Variants in CPEB4 observed in about 807,000 individuals in gnomAD.
CPEB4 encodes the protein cytoplasmic polyadenylation element binding protein 4.
CPEB4 carries 12 observed loss-of-function variants against 72.5 expected under a neutral mutation model. That is an observed-to-expected ratio of 0.17 (90% CI 0.11 to 0.27). The LOEUF is 0.27. Among genes scored for constraint, CPEB4 ranks in the 10% least tolerant of loss-of-function variants. CPEB4 has a pLI of 1.00. For missense variants in CPEB4, 614 were observed against 908.5 expected (o/e 0.68, Z 4.17); for synonymous variants, 302 against 326.3 (o/e 0.93, Z 0.80).
At chr5:173,925,292 C>T (rs1757205630) in intron 2 of CPEB4, among the ~76,000 whole-genome samples, 1 of 152,140 alleles carries the variant, frequency 6.6e-6, no homozygotes, top group Non-Finnish European at 1.5e-5. Context: ...TTTGTTTAGC[C>T]TAAACTCTGT....
At chr5:173,902,582 G>A (rs1756274856) in intron 1 of CPEB4, among the ~76,000 whole-genome samples, 2 of 152,154 alleles carry the variant, frequency 1.3e-5, no homozygotes, top group Admixed American at 6.5e-5. Flanking sequence ...TAACCTAACT[G>A]TGAACACCCC....
At chr5:173,944,263 A>T (rs763290068) in intron 4 of CPEB4, among the ~76,000 whole-genome samples, 47 of 152,156 alleles carry the variant, frequency 3.1e-4, no homozygotes, top group Admixed American at 1.3e-4. Context: ...GTGGGTTTTG[A>T]TTATATCCCA....
At chr5:173,906,282 T>C (rs1007405948) in intron 1 of CPEB4, among the ~76,000 whole-genome samples, 2 of 152,236 alleles carry the variant, frequency 1.3e-5, no homozygotes, top group African/African-American at 4.8e-5. Context: ...CTGTGTCCCC[T>C]TTATCTATTT....
At chr5:173,926,776 T>C (rs1259645518) in intron 2 of CPEB4, among the ~76,000 whole-genome samples, 1 of 152,240 alleles carries the variant, frequency 6.6e-6, no homozygotes, top group Non-Finnish European at 1.5e-5. Context: ...TAGGTTCACA[T>C]GCTGAAATCC....
At chr5:173,914,034 T>C (rs919347623) in intron 2 of CPEB4, among the ~76,000 whole-genome samples, 1 of 152,248 alleles carries the variant, frequency 6.6e-6, no homozygotes, top group African/African-American at 2.4e-5. Context: ...CCAATCTGGC[T>C]TGAGTATATT....
At chr5:173,952,065 G>T in intron 8 of CPEB4, 127 bp downstream of exon 8, 1 of 664,032 alleles carries the variant, frequency 1.5e-6, no homozygotes, top group Non-Finnish European at 2.7e-6. Flanking sequence ...AAAATATCTG[G>T]GTTTGAATTC....
chr5:173,893,036 T>TGTGTGTGTGTGAGAGA (rs55993382), intron 1 of CPEB4: 1 of 100,922 alleles, frequency 9.9e-6, no homozygotes, highest in African/African-American at 3.3e-5. Context: ...TGTGTGTGTG[T>TGTGTGTGTGTGAGAGA]GAGAGAGAGA....
chr5:173,932,757 T>A (rs1417331658), intron 3 of CPEB4, among the ~76,000 whole-genome samples: 1 of 152,230 alleles, frequency 6.6e-6, no homozygotes, highest in Non-Finnish European at 1.5e-5. Flanking sequence ...ACCTAAAGAT[T>A]GGCTTTATCT....
At chr5:173,914,616 C>T (rs144969494) in intron 2 of CPEB4, among the ~76,000 whole-genome samples, 46 of 152,082 alleles carry the variant, frequency 3.0e-4, no homozygotes, top group African/African-American at 5.3e-4. Flanking sequence ...ATTATCCGGG[C>T]GTGGTAGTGT....
chr5:173,888,888 A>T lies in CPEB4; in HGVS notation c.-846A>T. Reference sequence around the variant, plus strand: ...CGTCGAGTCTCGCTAATCCCTCCTGATCGCGACCCCCGCAAGAGGGAGAAA... The same window carrying T: ...CGTCGAGTCTCGCTAATCCCTCCTGTTCGCGACCCCCGCAAGAGGGAGAAA... On this transcript the variant is annotated 5_prime_UTR_variant, in exon 1 of 10. Coordinates refer to ENST00000265085, the MANE Select transcript of CPEB4 (RefSeq NM_030627.4). This position sits in a 1 kb window ranked among gnomAD's most constrained non-coding sequence, Gnocchi z 4.3. 4.5e-6 allele frequency: 1 copy of T among 221,802 alleles called. No homozygotes were observed. The highest frequency in any genetic ancestry group is 8.8e-6 in the Non-Finnish European group (1 of 113,652). 13.7% of individuals were successfully genotyped at this position (221,802 alleles called of 1,614,324 possible). A position where few individuals can be genotyped will look rare whatever the true frequency, so the allele number is the denominator to read the frequency against.
intron 6 of CPEB4, among the ~76,000 whole-genome samples, 180 bp from the exon 7 acceptor site, chr5:173,949,780 G>A (rs1249009535): frequency 1.3e-5 from 2 of 152,102 alleles, no homozygotes; most frequent in Non-Finnish European, 2.9e-5. Flanking sequence ...TCTAAAAGAT[G>A]CTTCAAGATA....
intron 9 of CPEB4, among the ~76,000 whole-genome samples, chr5:173,953,827 G>C (rs1758288937): frequency 6.6e-6 from 1 of 151,936 alleles, no homozygotes; most frequent in South Asian, 2.1e-4. Flanking sequence ...CTTAGGGCAA[G>C]AAGTTCCTGT....
At chr5:173,936,367 C>A (rs779884056) in intron 3 of CPEB4, among the ~76,000 whole-genome samples, 4 of 152,146 alleles carry the variant, frequency 2.6e-5, no homozygotes, top group African/African-American at 4.8e-5. Flanking sequence ...TATAAAGACA[C>A]CAGTCATATT....
intron 9 of CPEB4, among the ~76,000 whole-genome samples, chr5:173,953,714 A>T (rs1182837136): frequency 1.3e-4 from 18 of 143,392 alleles, no homozygotes; most frequent in African/African-American, 4.6e-4. Context: ...AATGAATTGT[A>T]CTCACAGATT....
At chr5:173,893,327 T>C (rs888494131) in intron 1 of CPEB4, 7 of 152,144 alleles carry the variant, frequency 4.6e-5, no homozygotes, top group African/African-American at 1.7e-4. Flanking sequence ...AAATTTGTCT[T>C]ATTTAAATTT....
At position 173,951,000 on chromosome 5, in the gene CPEB4, C is replaced by T. The variant is rs1056522539; in HGVS notation, c.1666-824C>T. ...TGCAGAATGGAGTTGTCAGTGGGCC[C>T]AGCTTAAGCAAATAACATCTGTGGA... On this transcript the variant is annotated intron_variant, in intron 7 of 9. Coordinates refer to ENST00000265085, the MANE Select transcript of CPEB4 (RefSeq NM_030627.4). This position sits in a 1 kb window ranked among gnomAD's most constrained non-coding sequence, Gnocchi z 5.0. Among the ~76,000 whole-genome samples the T allele has an allele frequency of 6.6e-6, 1 of 152,214 alleles. No individual in the cohort carries two copies. The highest frequency in any genetic ancestry group is 1.5e-5 in the Non-Finnish European group (1 of 68,038).
chr5:173,932,448 A>G lies in CPEB4; in HGVS notation c.1208-2A>G, dbSNP rs781388011. 6 of 1,610,830 alleles carry G rather than the reference A, an allele frequency of 3.7e-6. No individual in the cohort carries two copies. Among genetic ancestry groups the G allele is most frequent in the Non-Finnish European group, 5.1e-6 (6 of 1,178,278 alleles). ...TTAGTAACGGCCTTCTTTTACCTTC[A>G]GGTCGTCTAAACTATTCATATCCAG... On this transcript the variant is annotated splice_acceptor_variant, in intron 2 of 9. Transcript: ENST00000265085. LOFTEE classifies it high-confidence loss of function.
chr5:173,946,639 C>T (rs940757804), intron 5 of CPEB4, among the ~76,000 whole-genome samples: 2 of 152,146 alleles, frequency 1.3e-5, no homozygotes, highest in African/African-American at 4.8e-5. Context: ...AGCTCTCTGA[C>T]AAGAGAATTC....
chr5:173,932,159 G>A (rs1757469735), intron 2 of CPEB4, among the ~76,000 whole-genome samples: 1 of 152,048 alleles, frequency 6.6e-6, no homozygotes, highest in Admixed American at 6.5e-5. Flanking sequence ...ACATTTATTG[G>A]GGCAGAAATG....
Sources: allele counts gnomAD v4.1 joint callset (sites outside exome capture counted in the v4.1 genomes callset), GRCh38; gene constraint gnomAD v4.1.1; non-coding constraint Gnocchi (gnomAD v3.1); transcripts MANE v1.5; gene names NCBI Gene and HGNC (gene_info 2026-07-23, HGNC 2026-07-21).